Variants in PCDH15 observed in about 807,000 individuals in gnomAD.
PCDH15 encodes the protein protocadherin related 15.
In PCDH15, 129 loss-of-function variants were observed where a neutral mutation model predicts 178.5. The observed-to-expected ratio is 0.72, with a 90% CI of 0.63 to 0.84. The LOEUF is 0.84. Among genes scored for constraint, PCDH15 ranks in the 40% least tolerant of loss-of-function variants. The probability of loss-of-function intolerance (pLI) is 0.00; values close to 1 mark genes in which losing one functional copy is unlikely to be tolerated. For missense variants in PCDH15, 2,230 were observed against 2,099.9 expected, an observed-to-expected ratio of 1.06 and a Z score of -1.21; for synonymous variants, 800 against 732.0, an observed-to-expected ratio of 1.09 and a Z score of -1.50.
intron 2 of PCDH15, among the ~76,000 whole-genome samples, chr10:55,377,860 T>C (rs1837436913): frequency 6.6e-6 from 1 of 152,206 alleles, no homozygotes; most frequent in East Asian, 1.9e-4. Flanking sequence ...ATATAAATCA[T>C]GGAATACTAT....
chr10:55,430,911 G>A (rs1178544333), intron 2 of PCDH15, among the ~76,000 whole-genome samples: 1 of 152,038 alleles, frequency 6.6e-6, no homozygotes. Context: ...AGATCAAAAT[G>A]TTATTACTAC....
chr10:55,179,637 T>A (rs1291475239), intron 1 of PCDH15, among the ~76,000 whole-genome samples: 1 of 152,064 alleles, frequency 6.6e-6, no homozygotes, highest in Non-Finnish European at 1.5e-5. Flanking sequence ...AGAGCTTAGT[T>A]TCTGTCGCTC....
At chr10:55,002,374 G>T (rs1264763415) in intron 2 of PCDH15, among the ~76,000 whole-genome samples, 1 of 152,202 alleles carries the variant, frequency 6.6e-6, no homozygotes, top group Non-Finnish European at 1.5e-5. Context: ...TTTTAATGAT[G>T]AGGAAAAGTT....
intron 2 of PCDH15, among the ~76,000 whole-genome samples, chr10:55,070,582 T>C (rs1841709185): frequency 6.6e-6 from 1 of 152,288 alleles, no homozygotes; most frequent in South Asian, 2.1e-4. Flanking sequence ...AAAGATCAGA[T>C]AGTTGTAGAT....
At chr10:54,105,387 T>C (rs1255411151) in intron 15 of PCDH15, among the ~76,000 whole-genome samples, 2 of 147,670 alleles carry the variant, frequency 1.4e-5, no homozygotes, top group African/African-American at 5.0e-5. Context: ...TATTTAGGAG[T>C]TTATTAAGTA....
chr10:54,726,301 T>C (rs749806323), intron 1 of PCDH15, among the ~76,000 whole-genome samples: 1 of 151,678 alleles, frequency 6.6e-6, no homozygotes, highest in Non-Finnish European at 1.5e-5. Context: ...ATTATTATTA[T>C]AGAGAAACTA....
At chr10:54,330,833 T>C (rs1285399486) in intron 6 of PCDH15, among the ~76,000 whole-genome samples, 3 of 151,996 alleles carry the variant, frequency 2.0e-5, no homozygotes, top group Admixed American at 6.6e-5. Context: ...AAATTGTTTC[T>C]AGTAGGCTCA....
rs149326489 is a variant in PCDH15 at position 53,982,871 on chromosome 10, G to T, written c.2868+12778C>A. Among the ~76,000 whole-genome samples the T allele has an allele frequency of 3.0e-3, 451 of 151,648 alleles. 2 individuals are homozygous for T. The highest frequency in any genetic ancestry group is 4.4e-3 in the Non-Finnish European group (298 of 67,872). On this transcript the variant is annotated intron_variant, in intron 21 of 37. Coordinates refer to ENST00000644397, the MANE Select transcript of PCDH15 (RefSeq NM_001384140.1). ...AAATATAATGGACTAAAATAATTAG[G>T]TCCTTAGTATCAGGGGAAATCTTGA... is the stretch of plus-strand genomic sequence containing the variant.
intron 2 of PCDH15, among the ~76,000 whole-genome samples, chr10:54,972,803 C>T (rs1197351798): frequency 1.2e-4 from 17 of 141,252 alleles, no homozygotes; most frequent in African/African-American, 2.9e-4. Context: ...GAGCTGACAT[C>T]GCGCCACTGC....
chr10:55,299,652 C>T (rs1274214924), intron 1 of PCDH15, among the ~76,000 whole-genome samples: 2 of 152,138 alleles, frequency 1.3e-5, no homozygotes. Context: ...AGATTTCTTA[C>T]ACTTCTCAAT....
chr10:53,806,705 C>A lies in PCDH15; in HGVS notation c.5097G>T (p.Glu1699Asp). Residue 1699 changes from glutamate (E) to aspartate (D), a missense_variant, in exon 38 of 38, where the codon GAG (glutamate) becomes GAT (aspartate). Transcript: ENST00000644397. ...RNRLKSTVEQESMIDSKNIKE... is the reference protein window; with the variant it reads ...RNRLKSTVEQDSMIDSKNIKE... ...TGATGTTCTTACTGTCAATCATGGA[C>A]TCCTGTTCAACTGTGCTTTTCAGCC... 1 of 1,613,866 alleles carries A rather than the reference C, an allele frequency of 6.2e-7. No homozygotes were observed. The highest frequency in any genetic ancestry group is 8.5e-7 in the Non-Finnish European group (1 of 1,179,818).
At chr10:54,986,743 C>G (rs979454332) in intron 2 of PCDH15, among the ~76,000 whole-genome samples, 13 of 152,040 alleles carry the variant, frequency 8.6e-5, no homozygotes, top group Admixed American at 7.9e-4. Context: ...TTGTAACTAC[C>G]GCTTTGATGT....
chr10:54,984,514 G>C (rs1171232279), intron 2 of PCDH15, among the ~76,000 whole-genome samples: 1 of 152,148 alleles, frequency 6.6e-6, no homozygotes, highest in African/African-American at 2.4e-5. Flanking sequence ...CTACATGGCT[G>C]TCCATTCTTA....
intron 14 of PCDH15, among the ~76,000 whole-genome samples, chr10:54,136,838 A>C (rs894024314): frequency 2.0e-5 from 3 of 152,274 alleles, no homozygotes; most frequent in Admixed American, 1.3e-4. Flanking sequence ...TTTCCACAAT[A>C]ATTCAAAAGC....
chr10:54,708,028 C>T (rs886724472), intron 1 of PCDH15, among the ~76,000 whole-genome samples: 1 of 152,006 alleles, frequency 6.6e-6, no homozygotes, highest in Non-Finnish European at 1.5e-5. Context: ...GTTTTAGCAA[C>T]AGGAAAAGCA....
In PCDH15 at chr10:54,079,187, T is replaced by G. The variant is rs577678285; in HGVS notation, c.2091+144A>C. 7 of 839,674 alleles carry G rather than the reference T, an allele frequency of 8.3e-6. No homozygotes were observed. In the East Asian group the frequency reaches 1.2e-4, roughly 15 times the overall value. The allele number at this position is 839,674 out of a possible 1,614,324, so 52.0% of individuals were successfully genotyped here. A position where few individuals can be genotyped will look rare whatever the true frequency, so the allele number is the denominator to read the frequency against. ...TATAGGTGCATGTATTAATAGCCTGTTGAAGAAAAGAGCAACACTTCTAGT... is the reference window on the plus strand; with the variant it reads ...TATAGGTGCATGTATTAATAGCCTGGTGAAGAAAAGAGCAACACTTCTAGT... On this transcript the variant is annotated intron_variant, in intron 17 of 37. Transcript: ENST00000644397.
chr10:54,527,812 C>T lies in PCDH15; in HGVS notation c.157G>A (p.Gly53Ser), dbSNP rs1242693395. The change falls in exon 3 of 38, where the codon GGT (glycine) becomes AGT (serine). Residue 53 changes from glycine to serine, a missense_variant and splice_region_variant. Gly to Ser is a moderately conservative substitution (Grantham distance 56, BLOSUM62 0). Coordinates refer to ENST00000644397, the MANE Select transcript of PCDH15 (RefSeq NM_001384140.1). Reference protein sequence around the residue: ...IVAIDEESRNGTILVDNMLIK... With the variant: ...IVAIDEESRNSTILVDNMLIK... The stretch of plus-strand genomic sequence containing the variant: ...TTTGTAAAATAAAAAACTCACTTAC[C>T]ATTCCGACTTTCTTCATCAATAGCA... 1 of 1,606,326 alleles carries T rather than the reference C, an allele frequency of 6.2e-7. No homozygotes were observed. The highest frequency in any genetic ancestry group is 2.2e-5 in the East Asian group (1 of 44,748).
intron 2 of PCDH15, among the ~76,000 whole-genome samples, chr10:55,084,451 A>T (rs1239455206): frequency 7.2e-6 from 1 of 139,310 alleles, no homozygotes; most frequent in Non-Finnish European, 1.5e-5. Flanking sequence ...TAAATCTAAG[A>T]CCTCAAGCTG....
chr10:55,585,479 C>T (rs1437777749), intron 2 of PCDH15, among the ~76,000 whole-genome samples: 1 of 152,100 alleles, frequency 6.6e-6, no homozygotes, highest in Non-Finnish European at 1.5e-5. Flanking sequence ...GAGTTCAAGA[C>T]TAGCCTGGTC....
Sources: allele counts gnomAD v4.1 joint callset (sites outside exome capture counted in the v4.1 genomes callset), GRCh38; gene constraint gnomAD v4.1.1; transcripts MANE v1.5; gene names NCBI Gene and HGNC (gene_info 2026-07-23, HGNC 2026-07-21).